Variants in SPART observed in about 807,000 individuals in gnomAD.
SPART encodes the protein spartin.
A neutral mutation model predicts 58.7 loss-of-function variants in SPART; 35 were observed. That is an observed-to-expected ratio of 0.60 (90% CI 0.46 to 0.79). The LOEUF is 0.79. Among genes scored for constraint, SPART ranks in the 30% least tolerant of loss-of-function variants. The pLI is 0.00. For missense variants in SPART, 730 were observed against 786.1 expected (o/e 0.93, Z 0.85); for synonymous variants, 284 against 280.7 (o/e 1.01, Z -0.12).
intron 1 of SPART, among the ~76,000 whole-genome samples, chr13:36,341,445 T>C (rs1164438024): frequency 6.6e-6 from 1 of 152,230 alleles, no homozygotes; most frequent in African/African-American, 2.4e-5. Flanking sequence ...TTCTTTTTTT[T>C]GGTATGAAGT....
intron 1 of SPART, among the ~76,000 whole-genome samples, chr13:36,355,855 A>G (rs1453867684): frequency 6.6e-6 from 1 of 151,660 alleles, no homozygotes; most frequent in Non-Finnish European, 1.5e-5. Context: ...AAAACCCCAC[A>G]ATTACCTTTG....
intron 2 of SPART, among the ~76,000 whole-genome samples, chr13:36,331,993 T>C (rs1177425164): frequency 6.6e-6 from 1 of 152,230 alleles, no homozygotes; most frequent in Non-Finnish European, 1.5e-5. Flanking sequence ...ACTTGAAATA[T>C]TTACTGAAAT....
chr13:36,321,968 A>T (rs982863468), intron 5 of SPART, among the ~76,000 whole-genome samples: 29 of 151,616 alleles, frequency 1.9e-4, no homozygotes, highest in African/African-American at 6.8e-4. Context: ...CTCAAAAAGC[A>T]CCCCCACTGA....
At chr13:36,355,873 G>A (rs931052110) in intron 1 of SPART, among the ~76,000 whole-genome samples, 26 of 152,082 alleles carry the variant, frequency 1.7e-4, no homozygotes, top group Admixed American at 2.0e-4. Context: ...TTGCACTAAC[G>A]TAATAGCTCC....
chr13:36,335,461 C>T lies in SPART; in HGVS notation c.370G>A (p.Glu124Lys), dbSNP rs759715815. The T allele has an allele frequency of 1.2e-6, 2 of 1,614,006 alleles. No individual in the cohort carries two copies. The highest frequency in any genetic ancestry group is 1.7e-6 in the Non-Finnish European group (2 of 1,180,036). ...AAAGACTGAGGCTCTGGTAATTTTT[C>T]ACACATGTCTTTAGGTGGAAATTCT... ...YPEFPPKDMC[E>K]KLPEPQSFSS... Residue 124 changes from glutamate to lysine, a missense_variant, in exon 2 of 9, where the codon GAA becomes AAA. By Grantham distance (56) the Glu-to-Lys change is moderately conservative (BLOSUM62 1). Transcript: ENST00000438666.
chr13:36,311,122 C>T (rs1466721443), intron 8 of SPART, among the ~76,000 whole-genome samples: 1 of 152,198 alleles, frequency 6.6e-6, no homozygotes, highest in African/African-American at 2.4e-5. Flanking sequence ...ACAAGGGCAT[C>T]TGCCATAAAC....
intron 8 of SPART, among the ~76,000 whole-genome samples, chr13:36,311,209 C>T (rs1026866159): frequency 3.3e-5 from 5 of 152,154 alleles, no homozygotes; most frequent in South Asian, 4.1e-4. Flanking sequence ...ACACTGAAAA[C>T]ATTCACGAGA....
At chr13:36,351,991 T>C (rs1389550896) in intron 1 of SPART, among the ~76,000 whole-genome samples, 2 of 152,198 alleles carry the variant, frequency 1.3e-5, no homozygotes, top group East Asian at 1.9e-4. Context: ...GAACTTAGGT[T>C]ATCACTAATG....
intron 1 of SPART, among the ~76,000 whole-genome samples, chr13:36,356,952 A>G (rs1448433834): frequency 6.6e-6 from 1 of 152,248 alleles, no homozygotes; most frequent in African/African-American, 2.4e-5. Flanking sequence ...AGTGCTTTTA[A>G]AGACAGTTTT....
rs773526240 is a variant in SPART at position 36,335,851 on chromosome 13, A to T, written c.-2-19T>A. On this transcript the variant is annotated intron_variant, in intron 1 of 8. Coordinates refer to ENST00000438666, the MANE Select transcript of SPART (RefSeq NM_015087.5). ...TCCATTTCTGCAAAATTGGAGACATATTTAATTATCTTGCTTAGCTATTGT... is the reference window on the plus strand; with the variant it reads ...TCCATTTCTGCAAAATTGGAGACATTTTTAATTATCTTGCTTAGCTATTGT... 66 of 1,582,330 alleles carry T rather than the reference A, an allele frequency of 4.2e-5. No homozygotes were observed. The South Asian group carries it at 6.5e-4, about 16-fold the overall frequency.
In SPART at chr13:36,367,387, G is replaced by A. The variant is rs934398796; in HGVS notation, c.-3+2702C>T. On this transcript the variant is annotated intron_variant, in intron 1 of 8. Coordinates refer to the SPART transcript ENST00000355182. ...GAGGGCCAGCTTTTTCGCAGTTTAC[G>A]TGAATGACATGCCTAGTCAAACGAA... 2.0e-5 allele frequency among the ~76,000 whole-genome samples: 3 copies of A among 152,068 alleles called. 1 individual carries two copies. In the South Asian group the frequency reaches 6.2e-4, roughly 32 times the overall value.
intron 1 of SPART, among the ~76,000 whole-genome samples, chr13:36,359,934 A>AAAAC (rs1555266114): frequency 1.1e-4 from 17 of 151,182 alleles, no homozygotes; most frequent in East Asian, 9.7e-4. Flanking sequence ...AAAAAAAAAA[A>AAAAC]AAAAAAAACA....
At chr13:36,306,169 C>A (rs9575886) in intron 8 of SPART, among the ~76,000 whole-genome samples, 1 of 152,006 alleles carries the variant, frequency 6.6e-6, no homozygotes, top group African/African-American at 2.4e-5. Flanking sequence ...GGCCTTCTCA[C>A]CAGTCAACAG....
rs146170480 is a variant in SPART, at chr13:36,316,592, G to C, written c.1289-2171C>G. 4.8e-3 allele frequency among the ~76,000 whole-genome samples: 728 copies of C among 151,980 alleles called. 6 individuals are homozygous for C. Among genetic ancestry groups the C allele is most frequent in the African/African-American group, 0.016 (662 of 41,448 alleles). On this transcript the variant is annotated intron_variant, in intron 5 of 8. Transcript: ENST00000438666. ...GCGACCCCCACTCCTACCTGACAGA[G>C]AACAAACCCCCTTTGACTGTAATTT...
At chr13:36,320,386 T>C (rs548076181) in intron 5 of SPART, among the ~76,000 whole-genome samples, 255 of 152,182 alleles carry the variant, frequency 1.7e-3, no homozygotes, top group Non-Finnish European at 2.8e-3. Flanking sequence ...TTCCCCAAAT[T>C]TCCTTCTTTC....
At chr13:36,340,353 A>G (rs928494384) in intron 1 of SPART, among the ~76,000 whole-genome samples, 4 of 146,538 alleles carry the variant, frequency 2.7e-5, no homozygotes, top group Admixed American at 7.0e-5. Context: ...ACAGAGCAAG[A>G]CTCTGTTTCA....
intron 8 of SPART, among the ~76,000 whole-genome samples, chr13:36,309,934 A>G (rs1880920350): frequency 1.3e-5 from 2 of 152,198 alleles, no homozygotes; most frequent in South Asian, 4.1e-4. Flanking sequence ...TTCCTATCTT[A>G]AAACAAACAA....
intron 4 of SPART, among the ~76,000 whole-genome samples, chr13:36,328,454 T>C (rs4142159): frequency 0.24 from 36,527 of 152,078 alleles, 4,858 homozygotes; most frequent in East Asian, 0.51. Context: ...TCATTTTAGT[T>C]ATAATGTCCT....
intron 1 of SPART, among the ~76,000 whole-genome samples, chr13:36,369,101 C>T (rs774539458): frequency 6.6e-6 from 1 of 152,192 alleles, no homozygotes; most frequent in Non-Finnish European, 1.5e-5. Flanking sequence ...CTTCCAAGGT[C>T]ATTTGCCTCC....
Sources: allele counts gnomAD v4.1 joint callset (sites outside exome capture counted in the v4.1 genomes callset), GRCh38; gene constraint gnomAD v4.1.1; transcripts MANE v1.5; gene names NCBI Gene and HGNC (gene_info 2026-07-23, HGNC 2026-07-21).